The following PARP1 variants were observed in gnomAD, a reference collection of about 807,000 sequenced individuals.
PARP1 encodes poly [ADP-ribose] polymerase 1.
A neutral mutation model predicts 118.7 loss-of-function variants in PARP1; 44 were observed. The ratio of observed to expected loss-of-function variants is 0.37; its 90% CI spans 0.29 to 0.48. PARP1 has a LOEUF of 0.48. Among genes scored for constraint, PARP1 ranks in the 20% least tolerant of loss-of-function variants. The probability of loss-of-function intolerance (pLI) is 0.99; values close to 1 mark genes in which losing one functional copy is unlikely to be tolerated. For synonymous variants in PARP1, 492 were observed against 483.2 expected (o/e 1.02, Z -0.24); for missense variants, 1,100 against 1,272.4 (o/e 0.86, Z 2.06).
rs539920253 is a variant in PARP1 at position 226,405,039 on chromosome 1, A to G, written c.121-2660T>C. On this transcript the variant is annotated intron_variant, in intron 1 of 22. Transcript: ENST00000366794. ...CCAAGATGCCCCAGGCATGAGGGCT[A>G]AAGTGTCAGGTATCAGATACTCAGA... 3.0e-4 allele frequency among the ~76,000 whole-genome samples: 46 copies of G among 152,334 alleles called. No individual in the cohort carries two copies. The South Asian group carries it at 4.1e-3, about 14-fold the overall frequency.
chr1:226,363,580 A>G (rs1345181500), intron 20 of PARP1, among the ~76,000 whole-genome samples: 1 of 152,212 alleles, frequency 6.6e-6, no homozygotes, highest in Non-Finnish European at 1.5e-5. Flanking sequence ...AGTGGAATTA[A>G]AATTCCAGTT....
In PARP1 at chr1:226,379,142, C is replaced by A; in HGVS notation, c.1745G>T (p.Arg582Met). The A allele has an allele frequency of 6.2e-7, 1 of 1,614,202 alleles. No individual in the cohort carries two copies. The highest frequency in any genetic ancestry group is 8.5e-7 in the Non-Finnish European group (1 of 1,180,036). Reference sequence around the variant, plus strand: ...ACCAGGCTACACCTGCAGAACTCACCTGTTTTCCTTGTCGTCCTCCAGAAG... The same window carrying A: ...ACCAGGCTACACCTGCAGAACTCACATGTTTTCCTTGTCGTCCTCCAGAAG... Reference protein sequence around the residue: ...LQLLEDDKENRYWIFRSWGRV... With the variant: ...LQLLEDDKENMYWIFRSWGRV... The change falls in exon 12 of 23, where the codon AGG becomes ATG. Residue 582 changes from arginine to methionine, a missense_variant and splice_region_variant. This residue lies in a region of PARP1 where 948 missense variants were observed against 1,031.8 expected (regional missense o/e 0.92). Coordinates refer to ENST00000366794, the MANE Select transcript of PARP1 (RefSeq NM_001618.4).
rs1331883965 is a variant in PARP1 at position 226,362,018 on chromosome 1, CA to C, written c.2913del (p.Thr973ProfsTer7). 9 of 1,613,570 alleles carry C rather than the reference CA, an allele frequency of 5.6e-6. No homozygotes were observed. The highest frequency in any genetic ancestry group is 7.6e-6 in the Non-Finnish European group (9 of 1,179,642). The stretch of plus-strand genomic sequence containing the variant: ...TTCACACCAGATGAAATCCCGGTCC[CA>C]AGAGGAACGTCTACACCATCCAGAC... ...NISLDGVDVP[L>X]GTGISSGVND... On this transcript the variant is annotated frameshift_variant, in exon 22 of 23. Transcript: ENST00000366794. LOFTEE classifies it high-confidence loss of function.
chr1:226,403,926 A>AT (rs1242249118), intron 1 of PARP1, among the ~76,000 whole-genome samples: 111 of 152,346 alleles, frequency 7.3e-4, no homozygotes, highest in African/African-American at 2.6e-3. Context: ...AGCAATGATA[A>AT]GGTACCCCAC....
chr1:226,379,951 T>C lies in PARP1; in HGVS notation c.1514A>G (p.Lys505Arg), dbSNP rs981394314. 26 of 1,613,966 alleles carry C rather than the reference T, an allele frequency of 1.6e-5. No homozygotes were observed. The highest frequency in any genetic ancestry group is 2.1e-5 in the Non-Finnish European group (25 of 1,180,038). ...CTCCTTGACCTGGCCCTTGCTTTTT[T>C]TGGAGAGCGCAGCCCCTGACTTCCC... is the stretch of plus-strand genomic sequence containing the variant. The part of the protein sequence containing the change: ...PRGKSGAALS[K>R]KSKGQVKEEG... The change falls in exon 10 of 23, where the codon AAA becomes AGA. Residue 505 changes from lysine (K) to arginine (R), a missense_variant. This residue lies in a region of PARP1 where 948 missense variants were observed against 1,031.8 expected (regional missense o/e 0.92). Coordinates refer to ENST00000366794, the MANE Select transcript of PARP1 (RefSeq NM_001618.4).
At chr1:226,387,720 CCA>C (rs1460474053) in intron 5 of PARP1, among the ~76,000 whole-genome samples, 1 of 152,122 alleles carries the variant, frequency 6.6e-6, no homozygotes, top group Admixed American at 6.5e-5. Flanking sequence ...CACAGATGTG[CCA>C]CAGTGGGAAC....
At chr1:226,392,124 TTTCTC>T (rs533223111) in intron 3 of PARP1, 70 bp downstream of exon 3, 986 of 1,024,216 alleles carry the variant, frequency 9.6e-4, no homozygotes, top group Non-Finnish European at 1.3e-3. Context: ...CATTTCTTCT[TTTCTC>T]TTGAGATAGC....
chr1:226,365,242 T>C lies in PARP1; in HGVS notation c.2506-88A>G, dbSNP rs113827187. ...AAGACAGGACTGGATACACGAGAAA[T>C]GACCGGCTGTCCCTAAGGCTAGAAG... is the stretch of plus-strand genomic sequence containing the variant. On this transcript the variant is annotated intron_variant, in intron 18 of 22. Transcript: ENST00000366794. 13 of 1,403,026 alleles carry C rather than the reference T, an allele frequency of 9.3e-6. No homozygotes were observed. The African/African-American group carries it at 1.3e-4, about 14-fold the overall frequency. 86.9% of individuals were successfully genotyped at this position (1,403,026 alleles called of 1,614,324 possible).
At chr1:226,406,184 T>C (rs1665143530) in intron 1 of PARP1, among the ~76,000 whole-genome samples, 1 of 151,660 alleles carries the variant, frequency 6.6e-6, no homozygotes, top group Non-Finnish European at 1.5e-5. Context: ...GAAAAAAAAA[T>C]AGGGACTGCT....
chr1:226,383,698 T>C (rs1278038194), intron 7 of PARP1, among the ~76,000 whole-genome samples: 1 of 152,238 alleles, frequency 6.6e-6, no homozygotes, highest in African/African-American at 2.4e-5. Flanking sequence ...GGGAGCCCTA[T>C]GGTATTCACT....
chr1:226,369,533 G>T (rs1216513740), intron 15 of PARP1, among the ~76,000 whole-genome samples: 1 of 152,188 alleles, frequency 6.6e-6, no homozygotes, highest in Non-Finnish European at 1.5e-5. Flanking sequence ...CACAACACAG[G>T]TGACCCTTGA....
chr1:226,388,775 T>C lies in PARP1; in HGVS notation c.618-20A>G. On this transcript the variant is annotated intron_variant, in intron 4 of 22. Coordinates refer to ENST00000366794, the MANE Select transcript of PARP1 (RefSeq NM_001618.4). ...CTCTTTCTGAAGGAGACACAGGATA[T>C]GAGAGACAGCCAGAGCCATTAAAAG... The C allele has an allele frequency of 1.3e-6, 2 of 1,579,686 alleles. No homozygotes were observed. Among genetic ancestry groups the C allele is most frequent in the Non-Finnish European group, 1.7e-6 (2 of 1,148,662 alleles).
At chr1:226,368,651 C>G (rs1387666216) in intron 15 of PARP1, among the ~76,000 whole-genome samples, 2 of 152,226 alleles carry the variant, frequency 1.3e-5, no homozygotes, top group South Asian at 2.1e-4. Context: ...GGGCTAATGA[C>G]TATTGCTGTA....
At position 226,365,142 on chromosome 1, in the gene PARP1, C is replaced by G. The variant is rs772996633; in HGVS notation, c.2518G>C (p.Glu840Gln). ...DLEVIDIFKI[E>Q]REGECQRYKP... ...TAACGCTGGCATTCGCCTTCACGCTCTATCTTAAAGATCTGGTTGGAGTAG... is the reference window on the plus strand; with the variant it reads ...TAACGCTGGCATTCGCCTTCACGCTGTATCTTAAAGATCTGGTTGGAGTAG... The change falls in exon 19 of 23, where the codon GAG becomes CAG. Residue 840 changes from glutamate to glutamine, a missense_variant. This residue lies in a region of PARP1 where 152 missense variants were observed against 240.6 expected (regional missense o/e 0.63). Transcript: ENST00000366794. The G allele has an allele frequency of 1.2e-6, 2 of 1,614,198 alleles. No individual in the cohort carries two copies. The highest frequency in any genetic ancestry group is 2.2e-5 in the South Asian group (2 of 91,086).
At chr1:226,402,120 G>A in intron 2 of PARP1, 94 bp downstream of exon 2, 5 of 1,609,054 alleles carry the variant, frequency 3.1e-6, no homozygotes, top group Non-Finnish European at 4.2e-6. Flanking sequence ...GAGAGGGCAA[G>A]CTGGGGGAGG....
At chr1:226,368,448 G>C in intron 15 of PARP1, 127 bp from the exon 16 acceptor site, 11 of 1,158,770 alleles carry the variant, frequency 9.5e-6, no homozygotes, top group Non-Finnish European at 1.4e-5. Flanking sequence ...GCACATGCCA[G>C]GACACATGGG....
chr1:226,379,476 G>T, intron 11 of PARP1, 97 bp downstream of exon 11: 1 of 1,159,272 alleles, frequency 8.6e-7, no homozygotes, highest in Non-Finnish European at 1.3e-6. Context: ...CGACCACACT[G>T]CCCCAGGTAT....
chr1:226,404,975 T>A (rs1461245081), intron 1 of PARP1, among the ~76,000 whole-genome samples: 6 of 151,938 alleles, frequency 3.9e-5, no homozygotes, highest in Admixed American at 6.6e-5. Flanking sequence ...ACCGCCATCC[T>A]CCTCCCACCA....
chr1:226,382,855 T>C (rs1664643565), intron 8 of PARP1, among the ~76,000 whole-genome samples, 181 bp downstream of exon 8: 2 of 152,186 alleles, frequency 1.3e-5, no homozygotes, highest in East Asian at 3.8e-4. Flanking sequence ...CTTGCTGTGG[T>C]CAGGGGTGTA....
Sources: gnomAD v4.1 joint callset for allele counts (sites outside exome capture counted in the v4.1 genomes callset) on GRCh38, gnomAD v4.1.1 for gene constraint, gnomAD v4.1.1 regional missense constraint, MANE v1.5 for transcripts, NCBI Gene and HGNC (gene_info 2026-07-23, HGNC 2026-07-21) for gene names.